STK33: variants seen among roughly 807,000 people sequenced by gnomAD.
STK33 encodes the protein serine/threonine-protein kinase 33.
A neutral mutation model predicts 58.0 loss-of-function variants in STK33; 52 were observed. The observed-to-expected ratio is 0.90, with a 90% CI of 0.72 to 1.13. The LOEUF is 1.13. Among genes scored for constraint, STK33 ranks in the 50% most tolerant of loss-of-function variants. The pLI, the probability that STK33 is intolerant of heterozygous loss-of-function variation, is 0.00. For synonymous variants in STK33, 215 were observed against 200.1 expected (o/e 1.07, Z -0.63); for missense variants, 630 against 604.2 (o/e 1.04, Z -0.45).
At chr11:8,593,408 A>C (rs2032926182) in intron 1 of STK33, among the ~76,000 whole-genome samples, 1 of 152,210 alleles carries the variant, frequency 6.6e-6, no homozygotes, top group Non-Finnish European at 1.5e-5. Context: ...CTTAGCATGC[A>C]AATATCCCTT....
At chr11:8,516,915 G>C (rs11041957) in intron 1 of STK33, among the ~76,000 whole-genome samples, 2,369 of 152,282 alleles carry the variant, frequency 0.016, 19 homozygotes, top group East Asian at 0.045. Context: ...GCAGGGCATA[G>C]CTGAAAAAAA....
intron 1 of STK33, among the ~76,000 whole-genome samples, chr11:8,483,309 T>C (rs1054921297): frequency 1.3e-5 from 2 of 152,070 alleles, no homozygotes; most frequent in African/African-American, 4.8e-5. Flanking sequence ...GTGGTTTCAA[T>C]TTGAAGGCAA....
intron 1 of STK33, among the ~76,000 whole-genome samples, chr11:8,510,840 C>T (rs535333997): frequency 6.6e-5 from 10 of 152,092 alleles, no homozygotes; most frequent in Non-Finnish European, 1.5e-4. Flanking sequence ...TCTGTGCTCT[C>T]CATTCTGTTC....
chr11:8,533,518 C>G (rs1435659302), intron 1 of STK33: 3 of 152,226 alleles, frequency 2.0e-5, no homozygotes, highest in Non-Finnish European at 4.4e-5. Flanking sequence ...AGGTGAAGAT[C>G]AGCCAGGCGT....
intron 1 of STK33, among the ~76,000 whole-genome samples, chr11:8,582,885 A>C (rs1054668201): frequency 6.6e-5 from 10 of 152,232 alleles, no homozygotes; most frequent in Non-Finnish European, 1.5e-4. Context: ...GTAGTGGAGA[A>C]GCAACCACAG....
chr11:8,384,557 G>A, the STK33 span, among the ~76,000 whole-genome samples: 1 of 152,170 alleles, frequency 6.6e-6, no homozygotes. Flanking sequence ...TTTATGTTCC[G>A]CCTGTACACC....
At chr11:8,343,830 T>C in the STK33 span, among the ~76,000 whole-genome samples, 1 of 152,170 alleles carries the variant, frequency 6.6e-6, no homozygotes, top group African/African-American at 2.4e-5. Flanking sequence ...CCCCTCATCC[T>C]GGCCTCAGCT....
intron 15 of STK33, among the ~76,000 whole-genome samples, chr11:8,398,160 C>G (rs1161340780): frequency 6.6e-6 from 1 of 152,116 alleles, no homozygotes; most frequent in Non-Finnish European, 1.5e-5. Context: ...ACATAATTGT[C>G]AGATTCACCA....
chr11:8,578,462 A>G (rs1422767566), intron 1 of STK33, among the ~76,000 whole-genome samples: 1 of 152,056 alleles, frequency 6.6e-6, no homozygotes, highest in East Asian at 1.9e-4. Flanking sequence ...AACTGCAACA[A>G]TATCTAAGAT....
Position 8,392,648 on chromosome 11 carries a change from T to C in STK33, c.1407A>G (p.Ser469=). ...GAAGGAGTTTGCTAGATGTGAAACT[T>C]GAACTGCACATATCAAAGTTGTCCT... The part of the protein sequence containing the change: ...TSKDNFDMCS[S]SFTSSKLLPA... The change falls in exon 16 of 16, where the codon TCA becomes TCG. Residue 469 remains serine, a synonymous_variant. Coordinates refer to ENST00000687296, the MANE Select transcript of STK33 (RefSeq NM_001352389.2). The C allele has an allele frequency of 6.2e-7, 1 of 1,614,242 alleles. No homozygotes were observed. The highest frequency in any genetic ancestry group is 1.3e-5 in the African/African-American group (1 of 75,062).
intron 11 of STK33, among the ~76,000 whole-genome samples, chr11:8,445,509 T>A (rs796288873): frequency 7.9e-5 from 12 of 152,334 alleles, no homozygotes; most frequent in African/African-American, 2.9e-4. Flanking sequence ...TGATATTCGC[T>A]GTTGGTGTGT....
At chr11:8,548,234 T>C (rs1228096810) in intron 1 of STK33, among the ~76,000 whole-genome samples, 2 of 152,186 alleles carry the variant, frequency 1.3e-5, no homozygotes, top group Admixed American at 6.5e-5. Flanking sequence ...AGCAGTTTCA[T>C]AGTTTCAAGT....
At chr11:8,386,006 C>CTCG in the STK33 span, among the ~76,000 whole-genome samples, 36,229 of 151,810 alleles carry the variant, frequency 0.24, 4,597 homozygotes, top group African/African-American at 0.32. Flanking sequence ...GATCTCTGAC[C>CTCG]TCGTGATCCA....
chr11:8,487,203 T>A (rs1180948372), intron 1 of STK33, among the ~76,000 whole-genome samples: 2 of 151,984 alleles, frequency 1.3e-5, no homozygotes, highest in Non-Finnish European at 2.9e-5. Context: ...GCTGGTGGAC[T>A]GCTTGCGCCC....
intron 1 of STK33, among the ~76,000 whole-genome samples, chr11:8,499,209 C>T (rs1321452099): frequency 6.6e-6 from 1 of 152,090 alleles, no homozygotes; most frequent in African/African-American, 2.4e-5. Context: ...TATCTAGAAT[C>T]TACAAAGAAC....
At chr11:8,556,555 C>T (rs1243131382) in intron 1 of STK33, among the ~76,000 whole-genome samples, 4 of 152,154 alleles carry the variant, frequency 2.6e-5, no homozygotes, top group Non-Finnish European at 5.9e-5. Context: ...TTCCAGTAAA[C>T]TCCTTATCCT....
In STK33 at chr11:8,486,726, T is replaced by C. The variant is rs55909981; in HGVS notation, c.-465-6112A>G. ...TTCTACCTTCAGTATAGAGAATGTA[T>C]AGAAGGCAGGACAAGGCAGGAGATG... On this transcript the variant is annotated intron_variant, in intron 1 of 15. Coordinates refer to ENST00000687296, the MANE Select transcript of STK33 (RefSeq NM_001352389.2). Among the ~76,000 whole-genome samples, 1,241 of 152,294 alleles carry C rather than the reference T, an allele frequency of 8.1e-3. 25 individuals are homozygous for C. The highest frequency in any genetic ancestry group is 0.028 in the African/African-American group (1,150 of 41,558).
At chr11:8,458,922 CCT>C (rs1947196817) in intron 8 of STK33, among the ~76,000 whole-genome samples, 1 of 152,130 alleles carries the variant, frequency 6.6e-6, no homozygotes, top group Non-Finnish European at 1.5e-5. Context: ...ATCCTTTCTT[CCT>C]ATAGCGCAAT....
intron 1 of STK33, among the ~76,000 whole-genome samples, chr11:8,591,708 C>T (rs2032618560): frequency 6.6e-6 from 1 of 152,068 alleles, no homozygotes; most frequent in South Asian, 2.1e-4. Flanking sequence ...AACTGGAAAC[C>T]ATCATTCTCC....
Sources: gnomAD v4.1 joint callset for allele counts (sites outside exome capture counted in the v4.1 genomes callset) on GRCh38, gnomAD v4.1.1 for gene constraint, MANE v1.5 for transcripts, NCBI Gene and HGNC (gene_info 2026-07-23, HGNC 2026-07-21) for gene names.